TENM3: variants seen among roughly 807,000 people sequenced by gnomAD.
TENM3 encodes teneurin-3.
Under a neutral mutation model 255.1 loss-of-function variants are expected in TENM3, and 63 were observed. The observed-to-expected ratio is 0.25, with a 90% CI of 0.20 to 0.30. TENM3 has a LOEUF of 0.30. Among genes scored for constraint, TENM3 ranks in the 10% least tolerant of loss-of-function variants. The probability of loss-of-function intolerance (pLI) is 1.00; values close to 1 mark genes in which losing one functional copy is unlikely to be tolerated. For missense variants in TENM3, 2,929 were observed against 3,461.1 expected (o/e 0.85, Z 3.86); for synonymous variants, 1,306 against 1,322.3 (o/e 0.99, Z 0.27).
rs144102937 is a variant in TENM3, at chr4:182,397,721, G to A, written c.511+50792G>A. Among the ~76,000 whole-genome samples the A allele has an allele frequency of 4.0e-3, 612 of 152,216 alleles. 3 individuals carry two copies. Among genetic ancestry groups the A allele is most frequent in the African/African-American group, 0.014 (586 of 41,546 alleles). On this transcript the variant is annotated intron_variant, in intron 3 of 27. Coordinates refer to ENST00000511685, the MANE Select transcript of TENM3 (RefSeq NM_001080477.4). Reference sequence around the variant, plus strand: ...GTGGTTCTCAACCTTCGGTGAGCACGGAATCACCTGGAGGGCGGCTAAAAC... The same window carrying A: ...GTGGTTCTCAACCTTCGGTGAGCACAGAATCACCTGGAGGGCGGCTAAAAC...
chr4:181,852,266 G>C, the TENM3 span, among the ~76,000 whole-genome samples: 1 of 152,218 alleles, frequency 6.6e-6, no homozygotes, highest in Non-Finnish European at 1.5e-5. Context: ...TTGTGTGACA[G>C]AAGGAAGAGA....
intron 3 of TENM3, among the ~76,000 whole-genome samples, chr4:182,563,735 G>C (rs1743470297): frequency 6.6e-6 from 1 of 152,100 alleles, no homozygotes; most frequent in Non-Finnish European, 1.5e-5. Context: ...AAAATGAGAG[G>C]CAAACATATA....
the TENM3 span, among the ~76,000 whole-genome samples, chr4:181,579,757 T>A: frequency 1.3e-5 from 2 of 151,942 alleles, no homozygotes; most frequent in Non-Finnish European, 2.9e-5. Context: ...AAGCCAGAAT[T>A]TCTGAGTAGC....
the TENM3 span, among the ~76,000 whole-genome samples, chr4:181,590,159 T>G: frequency 6.6e-6 from 1 of 152,152 alleles, no homozygotes; most frequent in Non-Finnish European, 1.5e-5. Flanking sequence ...TCTTTCACAA[T>G]TGTTGACCAA....
chr4:182,673,407 T>C (rs1755391485), intron 7 of TENM3, among the ~76,000 whole-genome samples, 188 bp downstream of exon 7: 1 of 152,182 alleles, frequency 6.6e-6, no homozygotes, highest in East Asian at 1.9e-4. Context: ...GGAAGAACAA[T>C]ATTTTCTTCC....
At chr4:182,572,425 A>G (rs974475860) in intron 3 of TENM3, among the ~76,000 whole-genome samples, 1 of 152,184 alleles carries the variant, frequency 6.6e-6, no homozygotes, top group African/African-American at 2.4e-5. Flanking sequence ...GCAGTATAAT[A>G]TTTTAGTTTA....
chr4:181,551,115 AG>A, the TENM3 span, among the ~76,000 whole-genome samples: 2 of 152,174 alleles, frequency 1.3e-5, no homozygotes, highest in African/African-American at 4.8e-5. Context: ...CCTGGGAAGC[AG>A]GTTATGGTAG....
At chr4:182,554,573 T>C (rs1742396992) in intron 3 of TENM3, among the ~76,000 whole-genome samples, 1 of 152,164 alleles carries the variant, frequency 6.6e-6, no homozygotes, top group Non-Finnish European at 1.5e-5. Context: ...CGTATGTGTG[T>C]GTGTGTGATA....
chr4:182,091,015 T>A, the TENM3 span, among the ~76,000 whole-genome samples: 1 of 152,200 alleles, frequency 6.6e-6, no homozygotes, highest in Non-Finnish European at 1.5e-5. Flanking sequence ...CAATATTGAG[T>A]TATAAAATTA....
intron 1 of TENM3, among the ~76,000 whole-genome samples, chr4:182,320,601 G>A (rs1386257624): frequency 1.3e-5 from 2 of 152,264 alleles, no homozygotes; most frequent in Admixed American, 6.5e-5. Context: ...TACATCTGCA[G>A]AAATAAAAGT....
the TENM3 span, among the ~76,000 whole-genome samples, chr4:181,520,521 C>T: frequency 6.6e-6 from 1 of 151,864 alleles, no homozygotes. Context: ...GTAACTATGC[C>T]TCAAACAAAA....
At chr4:182,500,349 TA>T (rs1274994732) in intron 3 of TENM3, among the ~76,000 whole-genome samples, 1 of 152,126 alleles carries the variant, frequency 6.6e-6, no homozygotes, top group African/African-American at 2.4e-5. Flanking sequence ...AAAGGGACAA[TA>T]GAAAAATGAG....
the TENM3 span, among the ~76,000 whole-genome samples, chr4:181,623,375 G>T: frequency 6.6e-6 from 1 of 152,206 alleles, no homozygotes; most frequent in African/African-American, 2.4e-5. Context: ...TCAAGTGGAG[G>T]AACAGGCTTA....
At chr4:182,075,039 C>A in the TENM3 span, among the ~76,000 whole-genome samples, 1 of 152,032 alleles carries the variant, frequency 6.6e-6, no homozygotes, top group Non-Finnish European at 1.5e-5. Flanking sequence ...GCCAGAGTGG[C>A]GCCTGATGGG....
At chr4:182,796,874 C>A in intron 27 of TENM3, 107 bp downstream of exon 27, 1 of 874,320 alleles carries the variant, frequency 1.1e-6, no homozygotes, top group South Asian at 2.7e-5. Flanking sequence ...CAGTTTTTAA[C>A]TTTTTGACTG....
At chr4:182,315,236 C>G (rs765392170) in intron 1 of TENM3, among the ~76,000 whole-genome samples, 1 of 152,030 alleles carries the variant, frequency 6.6e-6, no homozygotes, top group Non-Finnish European at 1.5e-5. Flanking sequence ...CTGTTTATTC[C>G]TTTGTATAGG....
intron 3 of TENM3, among the ~76,000 whole-genome samples, chr4:182,473,594 A>G (rs1169620643): frequency 6.6e-6 from 1 of 152,146 alleles, no homozygotes; most frequent in Non-Finnish European, 1.5e-5. Context: ...AATGGCGTGA[A>G]CTAGGGAGGC....
chr4:181,731,780 A>G, the TENM3 span, among the ~76,000 whole-genome samples: 6 of 152,140 alleles, frequency 3.9e-5, no homozygotes, highest in Non-Finnish European at 7.3e-5. Context: ...CACATAGAAA[A>G]GAAAATAAAG....
In TENM3 at chr4:182,311,136, T is replaced by A. The variant is rs1561307315; in HGVS notation, c.-75-12810T>A. 2.0e-5 allele frequency among the ~76,000 whole-genome samples: 3 copies of A among 152,324 alleles called. No individual in the cohort carries two copies. In the South Asian group the frequency reaches 6.2e-4, roughly 32 times the overall value. On this transcript the variant is annotated intron_variant, in intron 1 of 27. Coordinates refer to ENST00000511685, the MANE Select transcript of TENM3 (RefSeq NM_001080477.4). ...TGAGCACGTCTCCCTCTGAAACACA[T>A]AATATCACACCAGGGTGTCATTTAT...
Sources: gnomAD v4.1 joint callset for allele counts (sites outside exome capture counted in the v4.1 genomes callset) on GRCh38, gnomAD v4.1.1 for gene constraint, MANE v1.5 for transcripts, NCBI Gene and HGNC (gene_info 2026-07-23, HGNC 2026-07-21) for gene names.